PGK1: variants seen among roughly 807,000 people sequenced by gnomAD.
PGK1 encodes phosphoglycerate kinase 1, also known as PRP 2.
A neutral mutation model predicts 26.9 loss-of-function variants in PGK1; 3 were observed. The observed-to-expected ratio is 0.11, with a 90% CI of 0.05 to 0.29. The LOEUF is 0.29. Ranked by LOEUF, PGK1 falls within the 10% of genes least tolerant of loss-of-function variation. PGK1 has a pLI of 1.00. For synonymous variants in PGK1, 125 were observed against 115.3 expected, an observed-to-expected ratio of 1.08 and a Z score of -0.54; for missense variants, 270 against 314.7, an observed-to-expected ratio of 0.86 and a Z score of 1.07.
intron 6 of PGK1, among the ~76,000 whole-genome samples, chrX:78,122,199 C>CT (rs782819437): frequency 4.5e-5 from 5 of 110,589 alleles, no homozygotes; most frequent in Non-Finnish European, 9.4e-5. Flanking sequence ...CAGAGTGAGA[C>CT]TTTGTGTTGA....
chrX:78,114,595 C>T (rs1734304316), intron 4 of PGK1, among the ~76,000 whole-genome samples: 1 of 106,629 alleles, frequency 9.4e-6, no homozygotes, highest in Non-Finnish European at 1.9e-5. Flanking sequence ...AAAAAAAAAA[C>T]TTAAGTTTCT....
chrX:78,127,630 GCTATAGATGCTTCTAGA>G lies in PGK1; in HGVS notation c.*1803_*1819del, dbSNP rs782426961. 9.0e-6 allele frequency: 1 copy of G among 111,731 alleles called. No individual in the cohort carries two copies. Among genetic ancestry groups the G allele is most frequent in the Non-Finnish European group, 1.9e-5 (1 of 53,176 alleles). The allele number at this position is 111,731 out of a possible 1,213,427, so 9.2% of individuals were successfully genotyped here. On this transcript the variant is annotated 3_prime_UTR_variant, in exon 11 of 11. Transcript: ENST00000373316. ...TCCGTCCCTGACATGATGCTTCTAG[GCTATAGATGCTTCTAGA>G]CTCTATCCCTGACATGATGCTTCTA...
intron 8 of PGK1, among the ~76,000 whole-genome samples, chrX:78,123,664 A>AG (rs1471396058): frequency 9.5e-6 from 1 of 104,730 alleles, no homozygotes; most frequent in Non-Finnish European, 2.0e-5. Context: ...GCTGGAGTGC[A>AG]GTGGCATGAT....
intron 1 of PGK1, among the ~76,000 whole-genome samples, chrX:78,104,806 C>T (rs1311578012): frequency 8.9e-6 from 1 of 111,879 alleles, no homozygotes; most frequent in Non-Finnish European, 1.9e-5. Flanking sequence ...CCCCCACGCT[C>T]CTAGACCGTC....
At chrX:78,125,577 T>C in intron 10 of PGK1, 152 bp downstream of exon 10, 1 of 540,999 alleles carries the variant, frequency 1.8e-6, no homozygotes, top group East Asian at 3.3e-5. Context: ...ATAAAGCTCC[T>C]GGCATCCACT....
chrX:78,113,952 G>A (rs2078313611), intron 3 of PGK1, 53 bp downstream of exon 3: 1 of 1,202,711 alleles, frequency 8.3e-7, no homozygotes, highest in Non-Finnish European at 1.1e-6. Context: ...AAGTTGTCAA[G>A]CACGTTGTTA....
chrX:78,112,997 A>G (rs1235053912), intron 2 of PGK1, among the ~76,000 whole-genome samples: 1 of 112,326 alleles, frequency 8.9e-6, no homozygotes, highest in African/African-American at 3.2e-5. Context: ...CTGCCTAGCA[A>G]CTACCAAAAT....
At chrX:78,105,227 T>C (rs17139585) in intron 1 of PGK1, among the ~76,000 whole-genome samples, 30,633 of 111,180 alleles carry the variant, frequency 0.28, 3,216 homozygotes, top group African/African-American at 0.36. Flanking sequence ...GCCAACACGG[T>C]TTCTCTCTTA....
Position 78,117,317 on chromosome X carries a change from A to G in PGK1, c.423A>G (p.Lys141=). The change falls in exon 5 of 11, where the codon AAA becomes AAG. Residue 141 remains lysine (K), a synonymous_variant. Coordinates refer to ENST00000373316, the MANE Select transcript of PGK1 (RefSeq NM_000291.4). ...KGKDASGNKV[K]AEPAKIEAFR... Reference sequence around the variant, plus strand: ...GTTTTTGTTTTTCTCTATAGGTTAAAGCCGAGCCAGCCAAAATAGAAGCTT... The same window carrying G: ...GTTTTTGTTTTTCTCTATAGGTTAAGGCCGAGCCAGCCAAAATAGAAGCTT... The G allele has an allele frequency of 8.4e-7, 1 of 1,193,417 alleles. No homozygotes were observed. Among genetic ancestry groups the G allele is most frequent in the South Asian group, 1.8e-5 (1 of 56,534 alleles).
chrX:78,113,128 C>T (rs1232103325), intron 2 of PGK1, among the ~76,000 whole-genome samples: 2 of 111,043 alleles, frequency 1.8e-5, no homozygotes, highest in African/African-American at 6.6e-5. Flanking sequence ...GGTAAAACCC[C>T]TACAAAAAAT....
Position 78,125,443 on chromosome X carries a change from T to C in PGK1, c.1213+18T>C, listed in dbSNP as rs2078378246. 9.4e-7 allele frequency: 1 copy of C among 1,065,975 alleles called. No homozygotes were observed. The highest frequency in any genetic ancestry group is 1.3e-6 in the Non-Finnish European group (1 of 763,192). 87.8% of individuals were successfully genotyped at this position (1,065,975 alleles called of 1,213,427 possible). A position where few individuals can be genotyped will look rare whatever the true frequency, so the allele number is the denominator to read the frequency against. On this transcript the variant is annotated intron_variant, in intron 10 of 10. Transcript: ENST00000373316. ...CCTGGAAGGTGAGGGTCTTCTGTTT[T>C]TTGGCTTGTTTGGGATAAGGGTGGA...
At chrX:78,106,445 G>C (rs190937878) in intron 1 of PGK1, 1,071 of 745,331 alleles carry the variant, frequency 1.4e-3, no homozygotes, top group East Asian at 3.3e-3. Context: ...TTTGAACAGA[G>C]AGTCACATTG....
At chrX:78,120,036 T>G (rs1227722402) in intron 6 of PGK1, among the ~76,000 whole-genome samples, 1 of 111,003 alleles carries the variant, frequency 9.0e-6, no homozygotes, top group African/African-American at 3.3e-5. Flanking sequence ...TGCCACCTAG[T>G]GCTACCTTAT....
At chrX:78,124,821 G>A (rs782303151) in intron 8 of PGK1, 53 bp from the exon 9 acceptor site, 369 of 1,084,071 alleles carry the variant, frequency 3.4e-4, no homozygotes, top group Admixed American at 1.2e-3. Context: ...TGGAGGTGGT[G>A]TTTAAGTAGC....
At chrX:78,125,493 T>A in intron 10 of PGK1, 68 bp downstream of exon 10, 1 of 723,676 alleles carries the variant, frequency 1.4e-6, no homozygotes. Flanking sequence ...GTGGGTAGAA[T>A]GGAGTGGAGA....
intron 4 of PGK1, among the ~76,000 whole-genome samples, chrX:78,116,828 A>G (rs1167177908): frequency 8.9e-6 from 1 of 112,072 alleles, no homozygotes; most frequent in African/African-American, 3.2e-5. Context: ...TCATGTTTCC[A>G]TCTGCCTTCT....
intron 1 of PGK1, 73 bp from the exon 2 acceptor site, chrX:78,109,794 T>C: frequency 2.9e-6 from 2 of 696,482 alleles, no homozygotes; most frequent in South Asian, 4.3e-5. Context: ...ATTTAACTGG[T>C]TCATTAAAAA....
chrX:78,118,594 A>AAATG (rs1265530489), intron 6 of PGK1, among the ~76,000 whole-genome samples: 1 of 110,535 alleles, frequency 9.0e-6, no homozygotes, highest in Admixed American at 9.7e-5. Flanking sequence ...ATAAATAAAT[A>AAATG]AATAAATAAA....
chrX:78,114,771 C>T (rs1294943868), intron 4 of PGK1, among the ~76,000 whole-genome samples: 2 of 112,264 alleles, frequency 1.8e-5, no homozygotes, highest in African/African-American at 6.5e-5. Context: ...GTTGGAACTA[C>T]TCACCTCTGC....
Sources: allele counts gnomAD v4.1 joint callset (sites outside exome capture counted in the v4.1 genomes callset), GRCh38; gene constraint gnomAD v4.1.1; transcripts MANE v1.5; gene names NCBI Gene and HGNC (gene_info 2026-07-23, HGNC 2026-07-21).